Variants in KIZ observed in about 807,000 individuals in gnomAD.
The protein encoded by KIZ is centrosomal protein kizuna.
A neutral mutation model predicts 79.6 loss-of-function variants in KIZ; 68 were observed. The observed-to-expected ratio is 0.85, with a 90% CI of 0.70 to 1.05. The LOEUF (loss-of-function observed/expected upper bound fraction) is 1.05, where lower values mean the gene tolerates loss of function less well. Among genes scored for constraint, KIZ ranks in the 50% least tolerant of loss-of-function variants. The probability of loss-of-function intolerance (pLI) is 0.00; values close to 1 mark genes in which losing one functional copy is unlikely to be tolerated. For synonymous variants in KIZ, 280 were observed against 281.8 expected (o/e 0.99, Z 0.06); for missense variants, 797 against 800.4 (o/e 1.00, Z 0.05).
chr20:21,133,792 T>G (rs1198664650), intron 2 of KIZ, among the ~76,000 whole-genome samples: 1 of 152,194 alleles, frequency 6.6e-6, no homozygotes. Flanking sequence ...AAATAAGAGC[T>G]GTTCACTGCA....
intron 1 of KIZ, among the ~76,000 whole-genome samples, chr20:21,126,647 G>T (rs2031494553): frequency 6.6e-6 from 1 of 151,726 alleles, no homozygotes; most frequent in South Asian, 2.1e-4. Context: ...AACGCAGACG[G>T]TTGTGTGTGT....
chr20:21,236,674 C>G (rs113692461), intron 11 of KIZ, among the ~76,000 whole-genome samples: 15 of 151,688 alleles, frequency 9.9e-5, no homozygotes, highest in African/African-American at 3.4e-4. Flanking sequence ...GTTAATGGGC[C>G]ATGGCTATTT....
At chr20:21,238,453 T>C (rs1338896327) in intron 11 of KIZ, among the ~76,000 whole-genome samples, 1 of 152,094 alleles carries the variant, frequency 6.6e-6, no homozygotes, top group Non-Finnish European at 1.5e-5. Context: ...TGGTAATGAC[T>C]GTGAATATGC....
At chr20:21,179,889 GATT>G (rs2034582386) in intron 6 of KIZ, among the ~76,000 whole-genome samples, 1 of 152,106 alleles carries the variant, frequency 6.6e-6, no homozygotes, top group Non-Finnish European at 1.5e-5. Context: ...TTCTGCTATT[GATT>G]TCTGATTTCA....
chr20:21,183,135 C>T (rs985868433), intron 6 of KIZ, among the ~76,000 whole-genome samples: 1 of 152,178 alleles, frequency 6.6e-6, no homozygotes, highest in Admixed American at 6.5e-5. Flanking sequence ...CAGAGAACAG[C>T]CAAAGGGACT....
intron 3 of KIZ, among the ~76,000 whole-genome samples, chr20:21,142,629 A>G (rs2032620594): frequency 6.6e-6 from 1 of 151,956 alleles, no homozygotes; most frequent in Non-Finnish European, 1.5e-5. Flanking sequence ...TGTCTCTACA[A>G]AAAAATAGAA....
chr20:21,152,792 C>G (rs1278512200), intron 4 of KIZ, among the ~76,000 whole-genome samples: 1 of 152,214 alleles, frequency 6.6e-6, no homozygotes, highest in Admixed American at 6.5e-5. Context: ...TCTTGAAGCT[C>G]ATACCTGCTT....
intron 6 of KIZ, among the ~76,000 whole-genome samples, chr20:21,176,299 G>A (rs139050360): frequency 5.2e-3 from 786 of 152,188 alleles, no homozygotes; most frequent in Non-Finnish European, 9.0e-3. Context: ...GAGAGAGTGA[G>A]ACTCTGTCTC....
intron 3 of KIZ, chr20:21,144,059 A>G (rs1467472009): frequency 1.3e-5 from 2 of 152,144 alleles, no homozygotes; most frequent in African/African-American, 4.8e-5. Flanking sequence ...AGAGCAGTCT[A>G]AATTGGGCTT....
At chr20:21,176,581 AAAAAT>A (rs1440239390) in intron 6 of KIZ, among the ~76,000 whole-genome samples, 1 of 152,118 alleles carries the variant, frequency 6.6e-6, no homozygotes, top group Non-Finnish European at 1.5e-5. Flanking sequence ...AAAAAAAAAA[AAAAAT>A]ACAGTTTGAA....
intron 11 of KIZ, among the ~76,000 whole-genome samples, chr20:21,235,959 A>G (rs2036991685): frequency 6.6e-6 from 1 of 152,240 alleles, no homozygotes; most frequent in Admixed American, 6.5e-5. Flanking sequence ...AGTCCAGTGA[A>G]ATAAAAATGA....
intron 7 of KIZ, among the ~76,000 whole-genome samples, chr20:21,207,958 G>C (rs79650957): frequency 0.015 from 2,217 of 152,014 alleles, 49 homozygotes; most frequent in African/African-American, 0.05. Context: ...GGTGATCCGC[G>C]CCCCCATCAG....
At chr20:21,141,583 G>A (rs2032534009) in intron 3 of KIZ, among the ~76,000 whole-genome samples, 2 of 151,752 alleles carry the variant, frequency 1.3e-5, no homozygotes, top group South Asian at 4.2e-4. Context: ...TGTGTAGAAC[G>A]TTGCCAGCAT....
At chr20:21,225,767 G>T (rs1239028481) in intron 9 of KIZ, among the ~76,000 whole-genome samples, 1 of 152,132 alleles carries the variant, frequency 6.6e-6, no homozygotes, top group Non-Finnish European at 1.5e-5. Context: ...TTACACTCTT[G>T]CTTCATGAAA....
chr20:21,215,749 A>T, intron 9 of KIZ, 101 bp downstream of exon 9: 1 of 665,896 alleles, frequency 1.5e-6, no homozygotes, highest in Non-Finnish European at 2.7e-6. Flanking sequence ...CTAAGAGCAC[A>T]TGTATTCAGC....
intron 2 of KIZ, among the ~76,000 whole-genome samples, chr20:21,132,766 A>G (rs1013952043): frequency 6.6e-6 from 1 of 152,244 alleles, no homozygotes; most frequent in Admixed American, 6.5e-5. Context: ...AAAATAAGAC[A>G]TAGCCTTATC....
chr20:21,179,366 G>T lies in KIZ; in HGVS notation c.1352+16207G>T, dbSNP rs372532214. On this transcript the variant is annotated intron_variant, in intron 6 of 12. Transcript: ENST00000619189. ...TCCAGGTTATCCAGTTTGTTGGTTTGTAATAGTTTATATAGTTTCTTGTGA... is the reference window on the plus strand; with the variant it reads ...TCCAGGTTATCCAGTTTGTTGGTTTTTAATAGTTTATATAGTTTCTTGTGA... Among the ~76,000 whole-genome samples, 3 of 151,470 alleles carry T rather than the reference G, an allele frequency of 2.0e-5. No individual in the cohort carries two copies. The South Asian group carries it at 6.2e-4, about 31-fold the overall frequency.
intron 6 of KIZ, among the ~76,000 whole-genome samples, chr20:21,204,473 A>G (rs1332494753): frequency 1.3e-5 from 2 of 151,798 alleles, no homozygotes; most frequent in African/African-American, 4.8e-5. Flanking sequence ...AATTTTATTA[A>G]TTTATTTATT....
intron 12 of KIZ, 183 bp from the exon 13 acceptor site, chr20:21,246,296 A>G: frequency 3.3e-6 from 2 of 598,784 alleles, no homozygotes; most frequent in Non-Finnish European, 3.0e-6. Context: ...ACACTTTGCA[A>G]TGTGTAATTT....
Sources: gnomAD v4.1 joint callset for allele counts (sites outside exome capture counted in the v4.1 genomes callset) on GRCh38, gnomAD v4.1.1 for gene constraint, MANE v1.5 for transcripts, NCBI Gene and HGNC (gene_info 2026-07-23, HGNC 2026-07-21) for gene names.